EYS: variants seen among roughly 807,000 people sequenced by gnomAD.
EYS encodes EGF-like photoreceptor maintenance factor.
In EYS, 250 loss-of-function variants were observed where a neutral mutation model predicts 282.1. That is an observed-to-expected ratio of 0.89 (90% CI 0.80 to 0.98). The LOEUF is 0.98. Ranked by LOEUF, EYS falls within the 50% of genes least tolerant of loss-of-function variation. EYS has a pLI of 0.00. For synonymous variants in EYS, 1,355 were observed against 1,282.9 expected, an observed-to-expected ratio of 1.06 and a Z score of -1.20; for missense variants, 4,016 against 3,709.0, an observed-to-expected ratio of 1.08 and a Z score of -2.15.
Position 65,639,266 on chromosome 6 carries a change from G to T in EYS, c.-333+512C>A, listed in dbSNP as rs376949790. On this transcript the variant is annotated intron_variant, in intron 2 of 42. Transcript: ENST00000503581. ...GTGGAAGGAGGAGTAGAGAAAGGAA[G>T]AGAATAGAACTCTATTAAGTCAAGT... is the stretch of plus-strand genomic sequence containing the variant. 6.6e-5 allele frequency among the ~76,000 whole-genome samples: 10 copies of T among 152,202 alleles called. No homozygotes were observed. In the East Asian group the frequency reaches 1.7e-3, roughly 27 times the overall value.
At chr6:63,967,056 G>C (rs1234250164) in intron 35 of EYS, among the ~76,000 whole-genome samples, 2 of 152,166 alleles carry the variant, frequency 1.3e-5, no homozygotes, top group Non-Finnish European at 2.9e-5. Context: ...AAATAGAACA[G>C]TTGCAACAAT....
chr6:64,588,174 A>G (rs1304049291), intron 26 of EYS, among the ~76,000 whole-genome samples: 1 of 152,194 alleles, frequency 6.6e-6, no homozygotes, highest in East Asian at 1.9e-4. Flanking sequence ...AAATTTTAGG[A>G]AGCCAATTCA....
At chr6:65,464,092 G>A (rs73741586) in intron 5 of EYS, among the ~76,000 whole-genome samples, 211 of 151,822 alleles carry the variant, frequency 1.4e-3, no homozygotes, top group Middle Eastern at 6.8e-3. Context: ...ATTGGATTCC[G>A]ATAAATGGAT....
At chr6:64,665,282 A>G (rs192225502) in intron 22 of EYS, among the ~76,000 whole-genome samples, 17 of 152,374 alleles carry the variant, frequency 1.1e-4, no homozygotes, top group African/African-American at 3.6e-4. Context: ...AATTGTGAAA[A>G]AAATGCAAGA....
chr6:65,176,537 T>A (rs1765229917), intron 12 of EYS, among the ~76,000 whole-genome samples: 1 of 151,662 alleles, frequency 6.6e-6, no homozygotes, highest in Non-Finnish European at 1.5e-5. Flanking sequence ...ATTGAAATAA[T>A]AACTTTCTAT....
At chr6:64,018,395 T>A (rs1331942950) in intron 33 of EYS, among the ~76,000 whole-genome samples, 1 of 152,214 alleles carries the variant, frequency 6.6e-6, no homozygotes, top group East Asian at 1.9e-4. Context: ...ATGTTTCTTC[T>A]TGCTTTCTCA....
chr6:64,662,062 G>A (rs1271676680), intron 22 of EYS, among the ~76,000 whole-genome samples: 3 of 151,740 alleles, frequency 2.0e-5, no homozygotes, highest in Non-Finnish European at 4.4e-5. Context: ...CATAAAAAAC[G>A]ATGAGTTCAT....
In EYS at chr6:64,081,986, A is replaced by G. The variant is rs1258091197; in HGVS notation, c.6441T>C (p.Phe2147=). The change falls in exon 32 of 43, where the codon TTT becomes TTC. Residue 2147 remains phenylalanine (F), a synonymous_variant. Coordinates refer to ENST00000503581, the MANE Select transcript of EYS (RefSeq NM_001142800.2). ...RFCEKDAGLF[F]PSFNGNSYLE... is the part of the protein sequence containing the mutation. ...AATAGGAATTCCCATTGAAAGATGG[A>G]AAGAATAAACCTGCATCTAAAAAAG... The G allele has an allele frequency of 6.5e-7, 1 of 1,543,200 alleles. No homozygotes were observed. Among genetic ancestry groups the G allele is most frequent in the Admixed American group, 2.0e-5 (1 of 50,886 alleles).
At chr6:64,894,079 AT>A (rs1767376377) in intron 18 of EYS, among the ~76,000 whole-genome samples, 1 of 152,162 alleles carries the variant, frequency 6.6e-6, no homozygotes, top group African/African-American at 2.4e-5. Flanking sequence ...TTTTCAGTCA[AT>A]CATACATTTT....
intron 41 of EYS, among the ~76,000 whole-genome samples, chr6:63,758,255 A>T (rs544938499): frequency 1.3e-5 from 2 of 152,222 alleles, no homozygotes; most frequent in South Asian, 4.1e-4. Flanking sequence ...TGGAAACTTA[A>T]TGTCTACTAC....
rs542902497 is a variant in EYS, at chr6:64,179,469, G to A, written c.6424+51123C>T. Among the ~76,000 whole-genome samples, 15 of 152,096 alleles carry A rather than the reference G, an allele frequency of 9.9e-5. 1 individual carries two copies. Among genetic ancestry groups the A allele is most frequent in the Middle Eastern group, 3.4e-3 (1 of 294 alleles). On this transcript the variant is annotated intron_variant, in intron 31 of 42. Transcript: ENST00000503581. Reference sequence around the variant, plus strand: ...GTGATGAAACTTAAGATATAAAACCGTGAGCTTATTACTTCTCATGAAATT... The same window carrying A: ...GTGATGAAACTTAAGATATAAAACCATGAGCTTATTACTTCTCATGAAATT...
intron 12 of EYS, among the ~76,000 whole-genome samples, chr6:65,107,699 T>G (rs115444749): frequency 0.011 from 1,700 of 152,090 alleles, 27 homozygotes; most frequent in African/African-American, 0.039. Context: ...TGTTTGGTTT[T>G]GTTTTGTTTT....
intron 37 of EYS, among the ~76,000 whole-genome samples, chr6:63,793,526 T>C (rs1203952072): frequency 6.6e-6 from 1 of 152,216 alleles, no homozygotes; most frequent in East Asian, 1.9e-4. Flanking sequence ...AATATAAAAA[T>C]GAATGGTAAA....
intron 18 of EYS, among the ~76,000 whole-genome samples, chr6:64,895,116 C>T (rs1352452477): frequency 2.6e-5 from 4 of 152,026 alleles, no homozygotes; most frequent in African/African-American, 7.2e-5. Context: ...CCAAACATCC[C>T]TACTTACCTC....
intron 2 of EYS, among the ~76,000 whole-genome samples, chr6:65,623,892 T>C (rs903997843): frequency 6.6e-6 from 1 of 152,204 alleles, no homozygotes; most frequent in Admixed American, 6.5e-5. Flanking sequence ...TTCTTGAACA[T>C]AGGCTCATGT....
chr6:64,783,378 A>T (rs970410208), intron 22 of EYS, among the ~76,000 whole-genome samples: 6 of 151,412 alleles, frequency 4.0e-5, no homozygotes, highest in African/African-American at 1.5e-4. Context: ...TATACATAAT[A>T]TAATTAGGTT....
At chr6:65,168,770 C>T (rs183023226) in intron 12 of EYS, among the ~76,000 whole-genome samples, 97 of 151,334 alleles carry the variant, frequency 6.4e-4, no homozygotes, top group Non-Finnish European at 5.9e-5. Flanking sequence ...TCTTTCAAGA[C>T]GGGATTTTAC....
At chr6:63,769,636 T>A (rs991023388) in intron 40 of EYS, among the ~76,000 whole-genome samples, 1 of 152,104 alleles carries the variant, frequency 6.6e-6, no homozygotes, top group African/African-American at 2.4e-5. Context: ...AATCAAGAGA[T>A]GAATATTAGA....
chr6:64,966,833 C>T (rs752540591), intron 14 of EYS, among the ~76,000 whole-genome samples: 11 of 152,166 alleles, frequency 7.2e-5, no homozygotes, highest in Non-Finnish European at 1.2e-4. Flanking sequence ...TGCAAAATCC[C>T]TATTACCATA....
Sources: allele counts gnomAD v4.1 joint callset (sites outside exome capture counted in the v4.1 genomes callset), GRCh38; gene constraint gnomAD v4.1.1; transcripts MANE v1.5; gene names NCBI Gene and HGNC (gene_info 2026-07-23, HGNC 2026-07-21).